The following GRIK2 variants were observed in gnomAD, a reference collection of about 807,000 sequenced individuals.
GRIK2 encodes the protein glutamate ionotropic receptor kainate type subunit 2.
A neutral mutation model predicts 100.3 loss-of-function variants in GRIK2; 32 were observed. The ratio of observed to expected loss-of-function variants is 0.32; its 90% CI spans 0.24 to 0.43. The LOEUF is 0.43. Among genes scored for constraint, GRIK2 ranks in the 20% least tolerant of loss-of-function variants. The pLI is 1.00. For missense variants in GRIK2, 843 were observed against 1,114.9 expected, an observed-to-expected ratio of 0.76 and a Z score of 3.47; for synonymous variants, 417 against 389.4, an observed-to-expected ratio of 1.07 and a Z score of -0.83.
chr6:101,659,987 C>G (rs773493313), intron 4 of GRIK2, among the ~76,000 whole-genome samples: 1 of 152,076 alleles, frequency 6.6e-6, no homozygotes, highest in Non-Finnish European at 1.5e-5. Flanking sequence ...TTGTGGTGTT[C>G]TCTGTGTTTC....
chr6:101,934,209 A>G (rs1027678980), intron 14 of GRIK2, among the ~76,000 whole-genome samples: 5 of 151,950 alleles, frequency 3.3e-5, no homozygotes, highest in Non-Finnish European at 5.9e-5. Flanking sequence ...TAGTATCACA[A>G]TAAAGGTAAT....
chr6:102,040,282 A>G (rs1770495546), intron 15 of GRIK2, among the ~76,000 whole-genome samples: 2 of 151,516 alleles, frequency 1.3e-5, no homozygotes, highest in South Asian at 4.1e-4. Flanking sequence ...TACTGATTTA[A>G]TTAGAAATAT....
At chr6:101,967,926 T>C (rs918423073) in intron 14 of GRIK2, among the ~76,000 whole-genome samples, 1 of 147,286 alleles carries the variant, frequency 6.8e-6, no homozygotes, top group Non-Finnish European at 1.5e-5. Flanking sequence ...CAACAACCCC[T>C]CCCACCCCCC....
At chr6:101,412,076 T>C (rs886987882) in intron 2 of GRIK2, among the ~76,000 whole-genome samples, 2 of 152,056 alleles carry the variant, frequency 1.3e-5, no homozygotes, top group Admixed American at 6.6e-5. Flanking sequence ...TGGTATTTAT[T>C]AGAAAACATG....
intron 15 of GRIK2, among the ~76,000 whole-genome samples, chr6:102,040,390 A>G (rs1770501227): frequency 6.6e-6 from 1 of 151,552 alleles, no homozygotes; most frequent in Non-Finnish European, 1.5e-5. Context: ...CAGTAGTACC[A>G]TTAATAATCC....
chr6:101,467,261 A>G (rs1237174017), intron 2 of GRIK2, among the ~76,000 whole-genome samples: 2 of 152,196 alleles, frequency 1.3e-5, no homozygotes, highest in African/African-American at 2.4e-5. Flanking sequence ...TAAGAGAAAA[A>G]GCCAAGAATT....
At chr6:102,021,484 A>G (rs890921645) in intron 14 of GRIK2, among the ~76,000 whole-genome samples, 2 of 151,710 alleles carry the variant, frequency 1.3e-5, no homozygotes, top group East Asian at 1.9e-4. Flanking sequence ...GATAATTTTT[A>G]TATTTAATAC....
chr6:101,916,223 T>A (rs897683614), intron 12 of GRIK2, among the ~76,000 whole-genome samples: 2 of 151,492 alleles, frequency 1.3e-5, no homozygotes, highest in Non-Finnish European at 3.0e-5. Context: ...AAATAAAAAA[T>A]AACATTTATT....
chr6:101,666,214 G>A (rs140837004), intron 4 of GRIK2, among the ~76,000 whole-genome samples: 14 of 152,278 alleles, frequency 9.2e-5, no homozygotes, highest in South Asian at 2.1e-4. Flanking sequence ...ATTGGCCAAC[G>A]GAAGGAGTGC....
At chr6:101,815,433 A>G (rs1183502390) in intron 9 of GRIK2, among the ~76,000 whole-genome samples, 1 of 152,116 alleles carries the variant, frequency 6.6e-6, no homozygotes, top group Non-Finnish European at 1.5e-5. Flanking sequence ...TATTTCTTGT[A>G]TCTAATTGAA....
intron 14 of GRIK2, among the ~76,000 whole-genome samples, chr6:101,978,559 G>T (rs1323908319): frequency 6.6e-6 from 1 of 151,588 alleles, no homozygotes; most frequent in African/African-American, 2.4e-5. Flanking sequence ...TTAATATCTT[G>T]TGTCATACAT....
chr6:101,846,015 T>TG lies in GRIK2; in HGVS notation c.1318-13272_1318-13271insG, dbSNP rs1017427411. 1.2e-3 allele frequency among the ~76,000 whole-genome samples: 182 copies of TG among 152,060 alleles called. 1 individual carries two copies. Among genetic ancestry groups the TG allele is most frequent in the African/African-American group, 4.0e-3 (165 of 41,472 alleles). ...CATTTTTAAACAGCATTGTTTTTTT[T>TG]TTGTTGTTGTTGTTGTAGGAGTTCT... On this transcript the variant is annotated intron_variant, in intron 10 of 16. Transcript: ENST00000369134.
At chr6:101,823,429 C>T (rs1362444890) in intron 10 of GRIK2, among the ~76,000 whole-genome samples, 2 of 150,260 alleles carry the variant, frequency 1.3e-5, no homozygotes, top group African/African-American at 5.0e-5. Context: ...CAGGTCTATG[C>T]CTAAAGCTCA....
At position 101,897,464 on chromosome 6, in the gene GRIK2, T is replaced by A. The variant is rs531430767; in HGVS notation, c.1748+7601T>A. Among the ~76,000 whole-genome samples, 5 of 151,914 alleles carry A rather than the reference T, an allele frequency of 3.3e-5. 1 individual carries two copies. The highest frequency in any genetic ancestry group is 1.2e-4 in the African/African-American group (5 of 41,530). Reference sequence around the variant, plus strand: ...TCTGTGGTAATTCTCAAAACAAAATTTCACTTCTGTTTTCCATAGCCACTG... The same window carrying A: ...TCTGTGGTAATTCTCAAAACAAAATATCACTTCTGTTTTCCATAGCCACTG... On this transcript the variant is annotated intron_variant, in intron 12 of 16. Coordinates refer to ENST00000369134, the MANE Select transcript of GRIK2 (RefSeq NM_021956.5).
intron 2 of GRIK2, among the ~76,000 whole-genome samples, chr6:101,573,348 G>A (rs1294504813): frequency 6.6e-6 from 1 of 152,176 alleles, no homozygotes; most frequent in Non-Finnish European, 1.5e-5. Flanking sequence ...TTGCTCAGGA[G>A]CAGATTTCAC....
chr6:102,059,060 C>T (rs1367886734), intron 16 of GRIK2, among the ~76,000 whole-genome samples: 1 of 151,030 alleles, frequency 6.6e-6, no homozygotes, highest in South Asian at 2.1e-4. Flanking sequence ...ACAAATAGCT[C>T]TTGATAATGA....
At chr6:101,420,933 G>C (rs1776382116) in intron 2 of GRIK2, among the ~76,000 whole-genome samples, 2 of 152,220 alleles carry the variant, frequency 1.3e-5, no homozygotes, top group African/African-American at 4.8e-5. Context: ...AACCAAGGGA[G>C]ACAAACTGAT....
At chr6:101,518,945 A>G (rs1774730117) in intron 2 of GRIK2, among the ~76,000 whole-genome samples, 1 of 152,182 alleles carries the variant, frequency 6.6e-6, no homozygotes, top group Admixed American at 6.6e-5. Flanking sequence ...TTATAGATGC[A>G]TTATTGATTC....
At chr6:101,635,956 A>T (rs894398166) in intron 4 of GRIK2, among the ~76,000 whole-genome samples, 9 of 152,270 alleles carry the variant, frequency 5.9e-5, no homozygotes, top group African/African-American at 1.9e-4. Context: ...TTCCTCAAGG[A>T]TCTAGAACCA....
Sources: allele counts gnomAD v4.1 joint callset (sites outside exome capture counted in the v4.1 genomes callset), GRCh38; gene constraint gnomAD v4.1.1; transcripts MANE v1.5; gene names NCBI Gene and HGNC (gene_info 2026-07-23, HGNC 2026-07-21).